The following COL27A1 variants were observed in gnomAD, a reference collection of about 807,000 sequenced individuals.
COL27A1 encodes collagen type XXVII alpha 1 chain.
In COL27A1, 106 loss-of-function variants were observed where a neutral mutation model predicts 251.3. The ratio of observed to expected loss-of-function variants is 0.42; its 90% CI spans 0.36 to 0.50. The LOEUF (loss-of-function observed/expected upper bound fraction) is 0.50. Among genes scored for constraint, COL27A1 ranks in the 20% least tolerant of loss-of-function variants. The probability of loss-of-function intolerance (pLI) is 0.00; values close to 1 mark genes in which losing one functional copy is unlikely to be tolerated. For synonymous variants in COL27A1, 1,000 were observed against 986.3 expected, an observed-to-expected ratio of 1.01 and a Z score of -0.26; for missense variants, 2,325 against 2,522.8, an observed-to-expected ratio of 0.92 and a Z score of 1.68.
At chr9:114,161,383 G>T (rs1035053354) in intron 1 of COL27A1, among the ~76,000 whole-genome samples, 1 of 152,102 alleles carries the variant, frequency 6.6e-6, no homozygotes, top group Non-Finnish European at 1.5e-5. Context: ...GATTTATCCA[G>T]ATTCATGTAG....
intron 49 of COL27A1, among the ~76,000 whole-genome samples, chr9:114,292,495 C>G (rs1827994259): frequency 6.6e-6 from 1 of 152,192 alleles, no homozygotes; most frequent in Admixed American, 6.5e-5. Flanking sequence ...ACTCCCAGTC[C>G]AGTGCTCATT....
intron 4 of COL27A1, among the ~76,000 whole-genome samples, chr9:114,182,074 C>T (rs1468754163): frequency 1.3e-5 from 2 of 151,980 alleles, no homozygotes; most frequent in African/African-American, 4.8e-5. Flanking sequence ...TGCCGTGGCT[C>T]ACGCCTGTAA....
At chr9:114,243,938 T>C (rs963769075) in intron 23 of COL27A1, among the ~76,000 whole-genome samples, 2 of 148,862 alleles carry the variant, frequency 1.3e-5, no homozygotes, top group African/African-American at 5.0e-5. Context: ...TTTTTTTTTT[T>C]TTTTTTGAGA....
intron 37 of COL27A1, among the ~76,000 whole-genome samples, chr9:114,280,909 A>G (rs993097891): frequency 5.9e-5 from 9 of 152,202 alleles, no homozygotes; most frequent in African/African-American, 1.9e-4. Flanking sequence ...TGGCCACCCT[A>G]GAGAACATGG....
intron 49 of COL27A1, among the ~76,000 whole-genome samples, chr9:114,298,177 CA>C (rs1828383912): frequency 6.7e-6 from 1 of 149,752 alleles, no homozygotes; most frequent in Admixed American, 6.7e-5. Flanking sequence ...GTGAAAATTT[CA>C]AAATGTTGAT....
chr9:114,174,030 T>C (rs2135119723), intron 3 of COL27A1, among the ~76,000 whole-genome samples: 1 of 149,978 alleles, frequency 6.7e-6, no homozygotes, highest in East Asian at 2.0e-4. Context: ...CAGGCTAGAG[T>C]ATAGTGGTGC....
chr9:114,290,205 C>T lies in COL27A1; in HGVS notation c.4261-19C>T. 6.3e-7 allele frequency: 1 copy of T among 1,577,854 alleles called. No individual in the cohort carries two copies. Among genetic ancestry groups the T allele is most frequent in the Non-Finnish European group, 8.6e-7 (1 of 1,161,154 alleles). On this transcript the variant is annotated intron_variant, in intron 46 of 60. Transcript: ENST00000356083. This position sits in a 1 kb window ranked among gnomAD's most constrained non-coding sequence, Gnocchi z 4.6. ...TCCCTGCACCAAATGCCCTCACCAG[C>T]TTTTTATGTACCCCCCAGGGCCTGC...
intron 49 of COL27A1, 44 bp from the exon 50 acceptor site, chr9:114,300,026 G>T: frequency 6.2e-7 from 1 of 1,608,302 alleles, no homozygotes; most frequent in South Asian, 1.1e-5. Context: ...GGGACACGCT[G>T]ACCATGAGCT....
chr9:114,163,232 CAA>C (rs55916825), intron 2 of COL27A1, among the ~76,000 whole-genome samples: 7 of 149,812 alleles, frequency 4.7e-5, no homozygotes, highest in East Asian at 4.0e-4. Flanking sequence ...GACTCCGTCT[CAA>C]AAAAAAAAAG....
At chr9:114,230,931 GA>G (rs1211383354) in intron 14 of COL27A1, 147 bp from the exon 15 acceptor site, 2 of 605,084 alleles carry the variant, frequency 3.3e-6, no homozygotes, top group African/African-American at 3.7e-5. Flanking sequence ...GTCTCTGGAT[GA>G]AGAACATTCC....
In COL27A1 at chr9:114,310,661, A is replaced by G. The variant is rs1000743; in HGVS notation, c.5549A>G (p.Tyr1850Cys). 1 of 1,614,184 alleles carries G rather than the reference A, an allele frequency of 6.2e-7. No individual in the cohort carries two copies. The highest frequency in any genetic ancestry group is 8.5e-7 in the Non-Finnish European group (1 of 1,180,034). The stretch of plus-strand genomic sequence containing the variant: ...CCTCCTGCCTCATCAGGGAAGCAGT[A>G]CCGCCTGGAAGTTGGACCTGCGTGC... Reference protein sequence around the residue: ...NLPPASSGKQYRLEVGPACFL With the variant: ...NLPPASSGKQCRLEVGPACFL Residue 1850 changes from tyrosine to cysteine, a missense_variant, in exon 61 of 61, where the codon TAC becomes TGC. This residue lies in a region of COL27A1 where 327 missense variants were observed against 442.8 expected (regional missense o/e 0.74). Transcript: ENST00000356083.
chr9:114,253,563 G>A (rs1320667939), intron 27 of COL27A1, among the ~76,000 whole-genome samples: 1 of 152,120 alleles, frequency 6.6e-6, no homozygotes, highest in Admixed American at 6.6e-5. Flanking sequence ...AGGGTTAGGA[G>A]TTCAAGCCTC....
chr9:114,264,905 C>G lies in COL27A1; in HGVS notation c.3250-19C>G. The G allele has an allele frequency of 6.2e-7, 1 of 1,608,896 alleles. No individual in the cohort carries two copies. The highest frequency in any genetic ancestry group is 1.1e-5 in the South Asian group (1 of 90,612). Reference sequence around the variant, plus strand: ...TCCCAAGCACCCTCTCCCACCTTCACGTGCTCTGCTTCCCACAGGGCCCTC... The same window carrying G: ...TCCCAAGCACCCTCTCCCACCTTCAGGTGCTCTGCTTCCCACAGGGCCCTC... On this transcript the variant is annotated intron_variant, in intron 29 of 60. Transcript: ENST00000356083.
At chr9:114,192,701 T>G (rs1167873877) in intron 5 of COL27A1, among the ~76,000 whole-genome samples, 1 of 152,174 alleles carries the variant, frequency 6.6e-6, no homozygotes, top group Non-Finnish European at 1.5e-5. Context: ...TTGTCCTTCC[T>G]TGGAACAAAT....
At chr9:114,271,579 AAG>A (rs1203714900) in intron 36 of COL27A1, 2 of 152,360 alleles carry the variant, frequency 1.3e-5, no homozygotes, top group Admixed American at 1.3e-4. Flanking sequence ...CAGGACTCTG[AAG>A]AGACACCTTA....
intron 48 of COL27A1, among the ~76,000 whole-genome samples, chr9:114,291,530 C>T (rs959416606): frequency 3.9e-5 from 6 of 152,146 alleles, no homozygotes; most frequent in African/African-American, 1.4e-4. Flanking sequence ...TGGCGAATCA[C>T]TTGAGGTCAG....
chr9:114,197,454 T>C (rs1250522166), intron 7 of COL27A1, among the ~76,000 whole-genome samples: 1 of 152,194 alleles, frequency 6.6e-6, no homozygotes, highest in Non-Finnish European at 1.5e-5. Context: ...GGACTTGCGC[T>C]CCCCACTTAC....
At chr9:114,303,374 G>T (rs143654503) in intron 56 of COL27A1, among the ~76,000 whole-genome samples, 2,079 of 151,940 alleles carry the variant, frequency 0.014, 58 homozygotes, top group African/African-American at 0.048. Context: ...GAATAGCTGG[G>T]ATTATAGGCG....
rs150969140 is a variant in COL27A1 at position 114,301,970 on chromosome 9, G to T, written c.4846-112G>T. The T allele has an allele frequency of 1.9e-4, 216 of 1,132,172 alleles. No homozygotes were observed. In the African/African-American group the frequency reaches 3.1e-3, roughly 16 times the overall value. The allele number at this position is 1,132,172 out of a possible 1,614,324, so 70.1% of individuals were successfully genotyped here. On this transcript the variant is annotated intron_variant, in intron 55 of 60. Transcript: ENST00000356083. ...CCACCAAGCCTCCGGGAAAGCAGAG[G>T]CCAGCTTGGCAGGTCCTGCATGCTT...
Sources: gnomAD v4.1 joint callset for allele counts (sites outside exome capture counted in the v4.1 genomes callset) on GRCh38, gnomAD v4.1.1 for gene constraint, gnomAD v4.1.1 regional missense constraint, Gnocchi (gnomAD v3.1) non-coding constraint, MANE v1.5 for transcripts, NCBI Gene and HGNC (gene_info 2026-07-23, HGNC 2026-07-21) for gene names.